The following NEGR1 variants were observed in gnomAD, a reference collection of about 807,000 sequenced individuals.
NEGR1 encodes the protein IgLON family member 4.
In NEGR1, 10 loss-of-function variants were observed where a neutral mutation model predicts 40.9. The observed-to-expected ratio is 0.24, with a 90% confidence interval of 0.15 to 0.42. The LOEUF is 0.42. Among genes scored for constraint, NEGR1 ranks in the 10% least tolerant of loss-of-function variants. The pLI is 1.00. For missense variants in NEGR1, 352 were observed against 438.9 expected (o/e 0.80, Z 1.77); for synonymous variants, 185 against 166.8 (o/e 1.11, Z -0.84).
intron 1 of NEGR1, among the ~76,000 whole-genome samples, chr1:72,228,227 G>A (rs919989126): frequency 1.3e-5 from 2 of 152,114 alleles, no homozygotes; most frequent in African/African-American, 4.8e-5. Flanking sequence ...TTAAATTGGT[G>A]GACTCGGAAA....
At chr1:72,027,265 A>G (rs1298209016) in intron 1 of NEGR1, among the ~76,000 whole-genome samples, 2 of 152,168 alleles carry the variant, frequency 1.3e-5, no homozygotes, top group Middle Eastern at 3.4e-3. Flanking sequence ...TGTTCTTTTC[A>G]TGGGTTAAAG....
chr1:71,782,600 G>C (rs1343627790), intron 2 of NEGR1, among the ~76,000 whole-genome samples: 1 of 152,074 alleles, frequency 6.6e-6, no homozygotes, highest in East Asian at 1.9e-4. Context: ...CATATTGCCA[G>C]AACCTGAGAG....
chr1:72,176,004 G>C (rs181218715), intron 1 of NEGR1, among the ~76,000 whole-genome samples: 77 of 152,206 alleles, frequency 5.1e-4, no homozygotes, highest in African/African-American at 1.5e-3. Context: ...GCAAGCCTTA[G>C]AAGACAGCTA....
chr1:71,412,919 C>A (rs1452149107), intron 6 of NEGR1, among the ~76,000 whole-genome samples: 1 of 152,024 alleles, frequency 6.6e-6, no homozygotes, highest in Non-Finnish European at 1.5e-5. Flanking sequence ...GGAGACTGAT[C>A]CTGTTTGCAG....
At chr1:72,079,086 A>AATATATATATAT (rs67575298) in intron 1 of NEGR1, among the ~76,000 whole-genome samples, 1,888 of 142,220 alleles carry the variant, frequency 0.013, 23 homozygotes, top group South Asian at 0.023. Flanking sequence ...CATTTAACAG[A>AATATATATATAT]ATATATATAT....
intron 6 of NEGR1, among the ~76,000 whole-genome samples, chr1:71,581,014 A>C (rs1176156596): frequency 1.3e-5 from 2 of 152,234 alleles, no homozygotes; most frequent in Non-Finnish European, 2.9e-5. Context: ...GAATTAATAA[A>C]TGATACTAAA....
chr1:72,179,226 G>T (rs1024526041), intron 1 of NEGR1, among the ~76,000 whole-genome samples: 1 of 151,992 alleles, frequency 6.6e-6, no homozygotes, highest in African/African-American at 2.4e-5. Flanking sequence ...ATATGGCTTA[G>T]TCAGTTATCC....
At chr1:71,636,906 A>G (rs1163787435) in intron 4 of NEGR1, among the ~76,000 whole-genome samples, 1 of 152,074 alleles carries the variant, frequency 6.6e-6, no homozygotes, top group Non-Finnish European at 1.5e-5. Context: ...ATAGTAGCCC[A>G]ATACTTTGAA....
At chr1:72,106,129 T>A (rs962599400) in intron 1 of NEGR1, among the ~76,000 whole-genome samples, 1 of 152,050 alleles carries the variant, frequency 6.6e-6, no homozygotes, top group Non-Finnish European at 1.5e-5. Context: ...AAGAAAATAA[T>A]AATGGCAAAG....
At chr1:72,058,869 G>A (rs116527521) in intron 1 of NEGR1, among the ~76,000 whole-genome samples, 1,772 of 151,626 alleles carry the variant, frequency 0.012, 33 homozygotes, top group African/African-American at 0.04. Context: ...TTTTGTGAGC[G>A]GAATTAACCT....
intron 6 of NEGR1, among the ~76,000 whole-genome samples, chr1:71,448,882 A>G (rs576324532): frequency 6.6e-6 from 1 of 152,332 alleles, no homozygotes; most frequent in African/African-American, 2.4e-5. Flanking sequence ...ATAAAGGGGC[A>G]TAGGATAAAA....
At chr1:71,943,142 TA>T (rs1458967760) in intron 1 of NEGR1, among the ~76,000 whole-genome samples, 1 of 142,806 alleles carries the variant, frequency 7.0e-6, no homozygotes, top group Non-Finnish European at 1.5e-5. Flanking sequence ...TGTGTGTGTA[TA>T]TATATATAAA....
intron 3 of NEGR1, among the ~76,000 whole-genome samples, chr1:71,717,953 G>T (rs1654333242): frequency 6.6e-6 from 1 of 152,082 alleles, no homozygotes; most frequent in African/African-American, 2.4e-5. Flanking sequence ...CTCTCAGAAG[G>T]AACCAACATG....
intron 6 of NEGR1, among the ~76,000 whole-genome samples, chr1:71,414,989 G>C (rs1646345676): frequency 6.6e-6 from 1 of 152,112 alleles, no homozygotes; most frequent in Non-Finnish European, 1.5e-5. Context: ...AATGGCTTCA[G>C]ATTCCTGTCA....
intron 6 of NEGR1, among the ~76,000 whole-genome samples, chr1:71,466,414 T>G (rs1168470820): frequency 6.6e-6 from 1 of 152,032 alleles, no homozygotes; most frequent in African/African-American, 2.4e-5. Flanking sequence ...ATCCCTGACC[T>G]CTTGAAATGT....
rs191561465 is a variant in NEGR1, at chr1:72,042,411, C to T, written c.177-107100G>A. On this transcript the variant is annotated intron_variant, in intron 1 of 6. Transcript: ENST00000357731. ...GTCAGAAGAATTTAGCCAGAGAGTG[C>T]ATTTCCTGCATACAAGGAAACACAA... Among the ~76,000 whole-genome samples the T allele has an allele frequency of 3.0e-4, 45 of 152,004 alleles. No homozygotes were observed. In the East Asian group the frequency reaches 8.6e-3, roughly 29 times the overall value.
chr1:72,115,356 T>C (rs1557534095), intron 1 of NEGR1, among the ~76,000 whole-genome samples: 1 of 151,726 alleles, frequency 6.6e-6, no homozygotes, highest in Non-Finnish European at 1.5e-5. Context: ...GCTTTTATAC[T>C]GGTGTTCAAT....
At position 71,451,974 on chromosome 1, in the gene NEGR1, C is replaced by T. The variant is rs1420365183; in HGVS notation, c.941-44404G>A. Among the ~76,000 whole-genome samples the T allele has an allele frequency of 2.6e-5, 4 of 152,094 alleles. No individual in the cohort carries two copies. The East Asian group carries it at 7.7e-4, about 29-fold the overall frequency. On this transcript the variant is annotated intron_variant, in intron 6 of 6. Transcript: ENST00000357731. ...TGCACCCACGCCTTTTCCTCAAGCACCAGTAGGGATTCAAAATTAATAGCT... is the reference window on the plus strand; with the variant it reads ...TGCACCCACGCCTTTTCCTCAAGCATCAGTAGGGATTCAAAATTAATAGCT...
At chr1:71,434,932 A>T (rs564493532) in intron 6 of NEGR1, among the ~76,000 whole-genome samples, 1 of 152,308 alleles carries the variant, frequency 6.6e-6, no homozygotes, top group African/African-American at 2.4e-5. Context: ...TCTACTAAAA[A>T]TACAAAAAAT....
Sources: gnomAD v4.1 joint callset for allele counts (sites outside exome capture counted in the v4.1 genomes callset) on GRCh38, gnomAD v4.1.1 for gene constraint, MANE v1.5 for transcripts, NCBI Gene and HGNC (gene_info 2026-07-23, HGNC 2026-07-21) for gene names.